The following CCBE1 variants were observed in gnomAD, a reference collection of about 807,000 sequenced individuals.
The protein encoded by CCBE1 is collagen and calcium-binding EGF domain-containing protein 1.
Under a neutral mutation model 50.0 loss-of-function variants are expected in CCBE1, and 37 were observed. That is an observed-to-expected ratio of 0.74 (90% CI 0.57 to 0.97). CCBE1 has a LOEUF of 0.97. Among genes scored for constraint, CCBE1 ranks in the 50% least tolerant of loss-of-function variants. The pLI, the probability that CCBE1 is intolerant of heterozygous loss-of-function variation, is 0.00. For missense variants in CCBE1, 538 were observed against 523.8 expected (o/e 1.03, Z -0.26); for synonymous variants, 234 against 203.7 (o/e 1.15, Z -1.27).
At chr18:59,652,522 T>C (rs775498674) in intron 2 of CCBE1, among the ~76,000 whole-genome samples, 15 of 151,872 alleles carry the variant, frequency 9.9e-5, no homozygotes, top group Non-Finnish European at 1.8e-4. Context: ...AATAAAATAC[T>C]ATAAATTTAA....
At chr18:59,525,589 A>T (rs1190207327) in intron 2 of CCBE1, among the ~76,000 whole-genome samples, 1 of 152,192 alleles carries the variant, frequency 6.6e-6, no homozygotes, top group Non-Finnish European at 1.5e-5. Context: ...GAAACTCCTT[A>T]GTTTAATTAG....
At chr18:59,616,687 G>A (rs925196288) in intron 2 of CCBE1, among the ~76,000 whole-genome samples, 12 of 152,174 alleles carry the variant, frequency 7.9e-5, no homozygotes, top group Non-Finnish European at 1.5e-4. Flanking sequence ...AAAAGAGTCT[G>A]TTAAGGTTGG....
chr18:59,596,538 G>A (rs1382491440), intron 2 of CCBE1, among the ~76,000 whole-genome samples: 5 of 152,094 alleles, frequency 3.3e-5, no homozygotes, highest in Non-Finnish European at 7.4e-5. Context: ...ATACGGCGGA[G>A]GAAAAAAGCT....
intron 2 of CCBE1, among the ~76,000 whole-genome samples, chr18:59,585,505 T>C (rs2053166392): frequency 3.3e-5 from 5 of 152,166 alleles, no homozygotes; most frequent in Admixed American, 3.3e-4. Context: ...AACTGGTGGA[T>C]GAGTGAATAT....
intron 2 of CCBE1, among the ~76,000 whole-genome samples, chr18:59,694,582 G>A (rs2054780246): frequency 1.3e-5 from 2 of 150,632 alleles, no homozygotes; most frequent in Admixed American, 1.3e-4. Flanking sequence ...TAAGAGATCT[G>A]GGGGCAGAGG....
At chr18:59,458,410 A>C (rs1319266635) in intron 5 of CCBE1, among the ~76,000 whole-genome samples, 3 of 152,242 alleles carry the variant, frequency 2.0e-5, no homozygotes, top group African/African-American at 7.2e-5. Flanking sequence ...AAAAGTTAAA[A>C]GCTCATGTTT....
intron 2 of CCBE1, among the ~76,000 whole-genome samples, chr18:59,668,077 G>T (rs925635784): frequency 6.6e-6 from 1 of 152,084 alleles, no homozygotes; most frequent in African/African-American, 2.4e-5. Flanking sequence ...GTATACCTAT[G>T]TAACAAACCT....
intron 2 of CCBE1, among the ~76,000 whole-genome samples, chr18:59,693,035 T>C (rs1316372090): frequency 6.6e-6 from 1 of 151,676 alleles, no homozygotes; most frequent in African/African-American, 2.4e-5. Context: ...ACCTATCTCA[T>C]CTTGTTTTCT....
intron 2 of CCBE1, among the ~76,000 whole-genome samples, chr18:59,550,874 G>A (rs1412541859): frequency 2.6e-5 from 4 of 151,406 alleles, no homozygotes; most frequent in Non-Finnish European, 5.9e-5. Context: ...GCGTGGTGGT[G>A]GGCGGCTGTA....
chr18:59,522,620 C>T (rs907248793), intron 2 of CCBE1, among the ~76,000 whole-genome samples: 7 of 152,114 alleles, frequency 4.6e-5, no homozygotes, highest in African/African-American at 1.7e-4. Context: ...GTAACAAATA[C>T]TGGAATACCT....
At chr18:59,552,516 AC>A in intron 2 of CCBE1, among the ~76,000 whole-genome samples, 1 of 152,256 alleles carries the variant, frequency 6.6e-6, no homozygotes, top group African/African-American at 2.4e-5. Flanking sequence ...CCTGGAGCCA[AC>A]CCAACATCTC....
chr18:59,696,156 A>T (rs1175858535), intron 2 of CCBE1, among the ~76,000 whole-genome samples: 2 of 151,976 alleles, frequency 1.3e-5, no homozygotes, highest in Non-Finnish European at 2.9e-5. Context: ...ACTCAACACA[A>T]CCACTCACAA....
intron 2 of CCBE1, among the ~76,000 whole-genome samples, chr18:59,694,449 G>T (rs1289229060): frequency 1.3e-5 from 2 of 152,164 alleles, no homozygotes; most frequent in Admixed American, 6.5e-5. Flanking sequence ...CAACTGAAAG[G>T]CCTCCATGCT....
intron 2 of CCBE1, among the ~76,000 whole-genome samples, chr18:59,611,238 C>T (rs762787065): frequency 2.4e-4 from 36 of 152,272 alleles, no homozygotes; most frequent in African/African-American, 5.1e-4. Context: ...CCCTTGCTTC[C>T]GAGTAAGAGC....
At chr18:59,597,671 T>C (rs1437904502) in intron 2 of CCBE1, among the ~76,000 whole-genome samples, 1 of 152,142 alleles carries the variant, frequency 6.6e-6, no homozygotes, top group Non-Finnish European at 1.5e-5. Context: ...CATGGCTGGA[T>C]TTAGTAACTC....
chr18:59,457,554 T>A (rs1911255351), intron 5 of CCBE1, among the ~76,000 whole-genome samples: 1 of 152,162 alleles, frequency 6.6e-6, no homozygotes, highest in Non-Finnish European at 1.5e-5. Context: ...TGTAGGTAGA[T>A]GGGAGGCGAT....
chr18:59,431,395 G>C lies in CCBE1; in HGVS notation c.*4513C>G, dbSNP rs575123087. 6.6e-6 allele frequency: 1 copy of C among 152,228 alleles called. No homozygotes were observed. Among genetic ancestry groups the C allele is most frequent in the Non-Finnish European group, 1.5e-5 (1 of 68,018 alleles). The allele number at this position is 152,228 out of a possible 1,614,324, so 9.4% of individuals were successfully genotyped here. On this transcript the variant is annotated 3_prime_UTR_variant, in exon 11 of 11. Coordinates refer to ENST00000439986, the MANE Select transcript of CCBE1 (RefSeq NM_133459.4). ...ATGGCTCTATTCTACTTGTTGTTTG[G>C]CCTGGATTCCTCCAATAACTTTCCT...
chr18:59,551,025 A>AAAAGAAAAGAAAAG (rs1915905101), intron 2 of CCBE1, among the ~76,000 whole-genome samples: 2 of 114,860 alleles, frequency 1.7e-5, no homozygotes, highest in African/African-American at 7.5e-5. Flanking sequence ...AAAAAAAAAA[A>AAAAGAAAAGAAAAG]AAAAGAAAAG....
chr18:59,544,847 T>G (rs781741558), intron 2 of CCBE1, among the ~76,000 whole-genome samples: 3 of 152,202 alleles, frequency 2.0e-5, no homozygotes, highest in Non-Finnish European at 4.4e-5. Context: ...ATATTAGTGT[T>G]AGGGAATGCA....
Sources: gnomAD v4.1 joint callset for allele counts (sites outside exome capture counted in the v4.1 genomes callset) on GRCh38, gnomAD v4.1.1 for gene constraint, MANE v1.5 for transcripts, NCBI Gene and HGNC (gene_info 2026-07-23, HGNC 2026-07-21) for gene names.